ZNF385D: variants seen among roughly 807,000 people sequenced by gnomAD.
The protein encoded by ZNF385D is zinc finger protein 385D, also known as zinc finger protein 659.
ZNF385D carries 15 observed loss-of-function variants against 35.8 expected under a neutral mutation model. That is an observed-to-expected ratio of 0.42 (90% CI 0.28 to 0.64). The LOEUF is 0.64. ZNF385D is among the 30% of genes least tolerant of loss of function. The probability of loss-of-function intolerance (pLI) is 0.23; values close to 1 mark genes in which losing one functional copy is unlikely to be tolerated. For synonymous variants in ZNF385D, 212 were observed against 186.8 expected, an observed-to-expected ratio of 1.13 and a Z score of -1.10; for missense variants, 474 against 494.6, an observed-to-expected ratio of 0.96 and a Z score of 0.39.
At chr3:21,509,265 A>C (rs1350221730) in intron 4 of ZNF385D, among the ~76,000 whole-genome samples, 2 of 152,102 alleles carry the variant, frequency 1.3e-5, no homozygotes, top group Non-Finnish European at 2.9e-5. Context: ...CTTTACATCA[A>C]ACTCATCTCT....
intron 2 of ZNF385D, among the ~76,000 whole-genome samples, chr3:22,265,711 A>C (rs1332809199): frequency 6.6e-6 from 1 of 151,896 alleles, no homozygotes; most frequent in Non-Finnish European, 1.5e-5. Context: ...CTTGAATATC[A>C]ACCTTCCTGG....
chr3:22,268,253 T>C (rs139891195), intron 2 of ZNF385D, among the ~76,000 whole-genome samples: 4 of 151,988 alleles, frequency 2.6e-5, no homozygotes, highest in Non-Finnish European at 5.9e-5. Flanking sequence ...AAATCAGCCA[T>C]GTTCTTTGAA....
At chr3:22,059,933 T>C (rs1017972397) in intron 3 of ZNF385D, among the ~76,000 whole-genome samples, 1 of 152,190 alleles carries the variant, frequency 6.6e-6, no homozygotes, top group Non-Finnish European at 1.5e-5. Context: ...CATCTAATCA[T>C]TGAAGATCCA....
At chr3:21,974,295 A>G (rs1271132541) in intron 3 of ZNF385D, among the ~76,000 whole-genome samples, 3 of 152,140 alleles carry the variant, frequency 2.0e-5, no homozygotes, top group Non-Finnish European at 2.9e-5. Flanking sequence ...CTTATTTTCA[A>G]CAAAGGTACC....
Position 21,511,004 on chromosome 3 carries a change from T to G in ZNF385D, c.296A>C (p.Tyr99Ser), listed in dbSNP as rs1707162116. Residue 99 changes from tyrosine to serine, a missense_variant, in exon 4 of 8, where the codon TAC becomes TCC. Coordinates refer to ENST00000281523, the MANE Select transcript of ZNF385D (RefSeq NM_024697.3). ...CTTCTTGGCATGTTTCGTGCCTTTG[T>G]AGTGGGCCGCAGCCTGGCTCTACAA... ...FNSDSQAAAH[Y>S]KGTKHAKKLK... 6.2e-7 allele frequency: 1 copy of G among 1,613,926 alleles called. No individual in the cohort carries two copies. Among genetic ancestry groups the G allele is most frequent in the African/African-American group, 1.3e-5 (1 of 74,912 alleles).
intron 3 of ZNF385D, among the ~76,000 whole-genome samples, chr3:21,779,627 G>A (rs557115433): frequency 1.3e-5 from 2 of 151,972 alleles, no homozygotes; most frequent in South Asian, 4.1e-4. Flanking sequence ...AGAAAAAGAA[G>A]GGGGTAAGAA....
intron 3 of ZNF385D, among the ~76,000 whole-genome samples, chr3:21,798,056 G>T (rs2072232765): frequency 6.6e-6 from 1 of 152,210 alleles, no homozygotes; most frequent in African/African-American, 2.4e-5. Flanking sequence ...GTCAATGCAA[G>T]TTCATGGATT....
intron 3 of ZNF385D, among the ~76,000 whole-genome samples, chr3:21,969,098 G>C (rs937439408): frequency 6.6e-6 from 1 of 152,156 alleles, no homozygotes; most frequent in African/African-American, 2.4e-5. Context: ...CGGACCTGTG[G>C]TAGTGGTGGT....
chr3:21,473,018 AC>A (rs757492600), intron 4 of ZNF385D, among the ~76,000 whole-genome samples: 1 of 152,092 alleles, frequency 6.6e-6, no homozygotes, highest in Non-Finnish European at 1.5e-5. Context: ...GTTCCAAGTC[AC>A]CATCACCTCT....
At chr3:22,316,562 C>T (rs1703900307) in intron 2 of ZNF385D, among the ~76,000 whole-genome samples, 2 of 152,144 alleles carry the variant, frequency 1.3e-5, no homozygotes, top group Admixed American at 1.3e-4. Flanking sequence ...AGCTTAAATG[C>T]ATTTCCTTTG....
chr3:21,426,141 G>A (rs1262286065), intron 5 of ZNF385D, among the ~76,000 whole-genome samples: 1 of 152,134 alleles, frequency 6.6e-6, no homozygotes, highest in Non-Finnish European at 1.5e-5. Flanking sequence ...TATAGAAGTG[G>A]CACTAATTAA....
intron 3 of ZNF385D, among the ~76,000 whole-genome samples, chr3:21,966,824 T>G (rs1045819159): frequency 6.6e-6 from 1 of 152,206 alleles, no homozygotes; most frequent in Non-Finnish European, 1.5e-5. Flanking sequence ...TCAAGTGATC[T>G]GCCAACCTTG....
At chr3:22,199,320 A>T (rs1296193062) in intron 2 of ZNF385D, among the ~76,000 whole-genome samples, 1 of 152,182 alleles carries the variant, frequency 6.6e-6, no homozygotes, top group African/African-American at 2.4e-5. Flanking sequence ...GAAGTTAAAA[A>T]TAACATGATT....
intron 3 of ZNF385D, among the ~76,000 whole-genome samples, chr3:21,888,946 C>G (rs895499335): frequency 6.6e-6 from 1 of 152,206 alleles, no homozygotes; most frequent in Non-Finnish European, 1.5e-5. Flanking sequence ...CTTTACTCCT[C>G]TCCTTACACC....
At chr3:21,701,273 G>A (rs1370214221) in intron 1 of ZNF385D, among the ~76,000 whole-genome samples, 1 of 146,090 alleles carries the variant, frequency 6.8e-6, no homozygotes, top group Admixed American at 7.1e-5. Flanking sequence ...GAGGCAAAAG[G>A]CACTTCTTAC....
chr3:21,968,747 T>C (rs1703057479), intron 3 of ZNF385D, among the ~76,000 whole-genome samples: 1 of 152,112 alleles, frequency 6.6e-6, no homozygotes, highest in Non-Finnish European at 1.5e-5. Flanking sequence ...GGACCTTGGG[T>C]GAAACTCAGA....
intron 2 of ZNF385D, among the ~76,000 whole-genome samples, chr3:21,661,648 A>G (rs1444320589): frequency 1.3e-5 from 2 of 152,220 alleles, no homozygotes; most frequent in Non-Finnish European, 2.9e-5. Context: ...TGAGGAATTC[A>G]AGGAAAGCTA....
intron 3 of ZNF385D, among the ~76,000 whole-genome samples, chr3:21,791,574 C>T (rs2071927354): frequency 6.6e-6 from 1 of 152,202 alleles, no homozygotes; most frequent in African/African-American, 2.4e-5. Flanking sequence ...TGCTTAGAGA[C>T]TTGAGTTCCC....
At chr3:22,222,889 C>G (rs1207197188) in intron 2 of ZNF385D, among the ~76,000 whole-genome samples, 2 of 151,960 alleles carry the variant, frequency 1.3e-5, no homozygotes, top group Non-Finnish European at 2.9e-5. Context: ...CTCGAAAGGC[C>G]TTTTTTGCTG....
Sources: gnomAD v4.1 joint callset for allele counts (sites outside exome capture counted in the v4.1 genomes callset) on GRCh38, gnomAD v4.1.1 for gene constraint, MANE v1.5 for transcripts, NCBI Gene and HGNC (gene_info 2026-07-23, HGNC 2026-07-21) for gene names.